The following SLC17A6 variants were observed in gnomAD, a reference collection of about 807,000 sequenced individuals.
SLC17A6 encodes vesicular glutamate transporter 2.
SLC17A6 carries 35 observed loss-of-function variants against 67.1 expected under a neutral mutation model. The observed-to-expected ratio is 0.52, with a 90% CI of 0.40 to 0.69. The LOEUF (loss-of-function observed/expected upper bound fraction) is 0.69. SLC17A6 is among the 30% of genes least tolerant of loss of function. The pLI, the probability that SLC17A6 is intolerant of heterozygous loss-of-function variation, is 0.00. For synonymous variants in SLC17A6, 285 were observed against 252.3 expected, an observed-to-expected ratio of 1.13 and a Z score of -1.23; for missense variants, 588 against 723.9, an observed-to-expected ratio of 0.81 and a Z score of 2.15.
intron 7 of SLC17A6, 106 bp downstream of exon 7, chr11:22,365,795 C>A (rs1359855236): frequency 6.7e-6 from 8 of 1,200,104 alleles, no homozygotes; most frequent in Non-Finnish European, 9.2e-6. Context: ...AATTTGGTAT[C>A]AATCATAACT....
intron 8 of SLC17A6, among the ~76,000 whole-genome samples, chr11:22,373,322 T>C (rs1856194558): frequency 6.6e-6 from 1 of 152,218 alleles, no homozygotes; most frequent in East Asian, 1.9e-4. Flanking sequence ...ATACAAATCC[T>C]AACATAGTGT....
At chr11:22,370,308 CAAAT>C (rs1856161300) in intron 8 of SLC17A6, 120 bp downstream of exon 8, 7 of 776,084 alleles carry the variant, frequency 9.0e-6, no homozygotes, top group South Asian at 7.7e-5. Context: ...ATTCATTAAA[CAAAT>C]AACTGCTAGG....
At chr11:22,340,039 A>G (rs1408062814) in intron 1 of SLC17A6, among the ~76,000 whole-genome samples, 2 of 152,236 alleles carry the variant, frequency 1.3e-5, no homozygotes, top group African/African-American at 4.8e-5. Context: ...CTTATTCTCC[A>G]GGTGCTACGT....
intron 3 of SLC17A6, among the ~76,000 whole-genome samples, 183 bp from the exon 4 acceptor site, chr11:22,359,230 C>T (rs1284366421): frequency 5.9e-5 from 9 of 151,960 alleles, no homozygotes; most frequent in Admixed American, 5.9e-4. Context: ...CTAGATGGCC[C>T]ATGTATATAT....
intron 3 of SLC17A6, among the ~76,000 whole-genome samples, chr11:22,346,183 G>A (rs920218373): frequency 6.6e-6 from 1 of 152,132 alleles, no homozygotes; most frequent in African/African-American, 2.4e-5. Flanking sequence ...ACTTTGGAAA[G>A]TTTTGCCACC....
intron 4 of SLC17A6, among the ~76,000 whole-genome samples, chr11:22,360,574 A>C (rs541300089): frequency 6.9e-6 from 1 of 144,486 alleles, no homozygotes; most frequent in African/African-American, 2.5e-5. Flanking sequence ...GAAAAAGACT[A>C]ATAATTTTAA....
At chr11:22,345,722 A>G (rs1020714453) in intron 3 of SLC17A6, among the ~76,000 whole-genome samples, 3 of 152,188 alleles carry the variant, frequency 2.0e-5, no homozygotes, top group Non-Finnish European at 4.4e-5. Flanking sequence ...TTGAAAATAT[A>G]ACAAAACATT....
intron 3 of SLC17A6, among the ~76,000 whole-genome samples, chr11:22,352,144 A>T (rs1345884257): frequency 6.8e-6 from 1 of 146,336 alleles, no homozygotes; most frequent in Admixed American, 7.3e-5. Flanking sequence ...GTGGTTTCAG[A>T]GGCTGATGAG....
chr11:22,365,759 C>A (rs1856105139), intron 7 of SLC17A6, 70 bp downstream of exon 7: 1 of 1,482,436 alleles, frequency 6.7e-7, no homozygotes, highest in Non-Finnish European at 9.0e-7. Context: ...ACCAAACTAT[C>A]TTACAAGTTC....
At chr11:22,376,137 T>C in intron 10 of SLC17A6, 45 bp downstream of exon 10, 1 of 1,347,754 alleles carries the variant, frequency 7.4e-7, no homozygotes, top group Non-Finnish European at 1.1e-6. Flanking sequence ...ATTCTGATTT[T>C]GACTGCTGAT....
At chr11:22,366,329 T>C (rs1032367114) in intron 7 of SLC17A6, among the ~76,000 whole-genome samples, 5 of 151,714 alleles carry the variant, frequency 3.3e-5, no homozygotes, top group Admixed American at 3.3e-4. Flanking sequence ...CCTCAGAAAG[T>C]GAAACCGCGG....
intron 3 of SLC17A6, among the ~76,000 whole-genome samples, chr11:22,353,538 G>T (rs1234148331): frequency 6.6e-6 from 1 of 152,108 alleles, no homozygotes; most frequent in Non-Finnish European, 1.5e-5. Flanking sequence ...AATAAAAAAA[G>T]AAACTTGTCT....
chr11:22,360,240 A>T (rs561982428), intron 4 of SLC17A6, among the ~76,000 whole-genome samples: 1 of 152,202 alleles, frequency 6.6e-6, no homozygotes, highest in South Asian at 2.1e-4. Flanking sequence ...AAAACCAAAC[A>T]CTGCATGTTG....
Position 22,379,480 on chromosome 11 carries a change from C to T in SLC17A6, c.*1740C>T, listed in dbSNP as rs1421835512. 1 of 144,610 alleles carries T rather than the reference C, an allele frequency of 6.9e-6. No individual in the cohort carries two copies. The highest frequency in any genetic ancestry group is 2.7e-5 in the African/African-American group (1 of 37,236). The allele number at this position is 144,610 out of a possible 1,614,324, so 9.0% of individuals were successfully genotyped here. A position where few individuals can be genotyped will look rare whatever the true frequency, so the allele number is the denominator to read the frequency against. On this transcript the variant is annotated 3_prime_UTR_variant, in exon 12 of 12. Coordinates refer to ENST00000263160, the MANE Select transcript of SLC17A6 (RefSeq NM_020346.3). The stretch of plus-strand genomic sequence containing the variant: ...GCAGCAAAAAAGTGTTAATAAAATG[C>T]TCTATTTATCCTTTTTTTAAAAAGC...
chr11:22,339,682 T>C lies in SLC17A6; in HGVS notation c.86+1063T>C, dbSNP rs567042759. 3.3e-5 allele frequency among the ~76,000 whole-genome samples: 5 copies of C among 152,228 alleles called. No individual in the cohort carries two copies. The East Asian group carries it at 5.8e-4, about 18-fold the overall frequency. The stretch of plus-strand genomic sequence containing the variant: ...GGAAATTGAAGTCTCTGTAAATGCA[T>C]GAGAAATGTAAAGAAAATGATCAAA... On this transcript the variant is annotated intron_variant, in intron 1 of 11. Transcript: ENST00000263160.
chr11:22,341,857 C>T, intron 2 of SLC17A6, 77 bp downstream of exon 2: 2 of 1,522,600 alleles, frequency 1.3e-6, no homozygotes, highest in East Asian at 2.4e-5. Flanking sequence ...TGTTTGAGCC[C>T]CGTTCCCCCG....
intron 4 of SLC17A6, among the ~76,000 whole-genome samples, chr11:22,360,531 C>A (rs191934388): frequency 1.4e-5 from 2 of 138,802 alleles, no homozygotes; most frequent in Non-Finnish European, 3.2e-5. Flanking sequence ...CTCCTTCCCC[C>A]CCCCCCAAAA....
At chr11:22,345,811 G>A (rs1272893074) in intron 3 of SLC17A6, among the ~76,000 whole-genome samples, 3 of 151,856 alleles carry the variant, frequency 2.0e-5, no homozygotes, top group Non-Finnish European at 1.5e-5. Flanking sequence ...TAACAATATT[G>A]CACATTAGTA....
Position 22,378,866 on chromosome 11 carries a change from T to A in SLC17A6, c.*1126T>A, listed in dbSNP as rs1856264172. On this transcript the variant is annotated 3_prime_UTR_variant, in exon 12 of 12. Coordinates refer to ENST00000263160, the MANE Select transcript of SLC17A6 (RefSeq NM_020346.3). ...TCTCTCTATATATATCTGTATATCTTATACATGTCCATACACAGAAACATA... is the reference window on the plus strand; with the variant it reads ...TCTCTCTATATATATCTGTATATCTAATACATGTCCATACACAGAAACATA... 1 of 152,154 alleles carries A rather than the reference T, an allele frequency of 6.6e-6. No individual in the cohort carries two copies. The highest frequency in any genetic ancestry group is 1.5e-5 in the Non-Finnish European group (1 of 67,980). 9.4% of individuals were successfully genotyped at this position (152,154 alleles called of 1,614,324 possible).
Sources: gnomAD v4.1 joint callset for allele counts (sites outside exome capture counted in the v4.1 genomes callset) on GRCh38, gnomAD v4.1.1 for gene constraint, MANE v1.5 for transcripts, NCBI Gene and HGNC (gene_info 2026-07-23, HGNC 2026-07-21) for gene names.